The following OLFM2 variants were observed in gnomAD, a reference collection of about 807,000 sequenced individuals.
OLFM2 encodes noelin-2.
In OLFM2, 20 loss-of-function variants were observed where a neutral mutation model predicts 43.9. That is an observed-to-expected ratio of 0.46 (90% CI 0.32 to 0.66). The LOEUF is 0.66. OLFM2 is among the 30% of genes least tolerant of loss of function. OLFM2 has a pLI of 0.04. For synonymous variants in OLFM2, 268 were observed against 278.6 expected (o/e 0.96, Z 0.38); for missense variants, 416 against 643.6 (o/e 0.65, Z 3.83).
At chr19:9,900,227 T>C (rs1490361909) in intron 1 of OLFM2, among the ~76,000 whole-genome samples, 1 of 151,584 alleles carries the variant, frequency 6.6e-6, no homozygotes, top group Non-Finnish European at 1.5e-5. Flanking sequence ...TGAAGAGAGG[T>C]GTCAGGGAAG....
At position 9,854,928 on chromosome 19, in the gene OLFM2, G is replaced by C; in HGVS notation, c.688-65C>G. On this transcript the variant is annotated intron_variant, in intron 5 of 5. Coordinates refer to ENST00000264833, the MANE Select transcript of OLFM2 (RefSeq NM_058164.4). This position sits in a 1 kb window ranked among gnomAD's most constrained non-coding sequence, Gnocchi z 9.5. ...CAACGACCCAAGGGTCCCAGCACCA[G>C]CTACAGCCATTAGAGTTCAACAGTC... 1 of 1,282,776 alleles carries C rather than the reference G, an allele frequency of 7.8e-7. No homozygotes were observed. Among genetic ancestry groups the C allele is most frequent in the Non-Finnish European group, 1.1e-6 (1 of 939,126 alleles). The allele number at this position is 1,282,776 out of a possible 1,614,324, so 79.5% of individuals were successfully genotyped here.
chr19:9,908,130 T>A (rs1568383012), intron 1 of OLFM2, among the ~76,000 whole-genome samples: 2 of 151,992 alleles, frequency 1.3e-5, no homozygotes, highest in Non-Finnish European at 2.9e-5. Flanking sequence ...TTCCGCTCGC[T>A]CACTATGCTC....
chr19:9,904,302 T>G (rs907316472), intron 1 of OLFM2, among the ~76,000 whole-genome samples: 5 of 151,686 alleles, frequency 3.3e-5, no homozygotes, highest in Non-Finnish European at 7.4e-5. Flanking sequence ...GCGATTCTCC[T>G]GCCTCAGCCT....
At position 9,865,485 on chromosome 19, in the gene OLFM2, C is replaced by CTTTTTTTTTTTTT. The variant is rs71188847; in HGVS notation, c.64-4704_64-4692dup. On this transcript the variant is annotated intron_variant, in intron 1 of 5. Coordinates refer to ENST00000264833, the MANE Select transcript of OLFM2 (RefSeq NM_058164.4). ...AGTCACTGTTACCTCTCTGTTTTTTCTTTTTTTTTTTTTTTTTTTTTTTTG... is the reference window on the plus strand; with the variant it reads ...AGTCACTGTTACCTCTCTGTTTTTTCTTTTTTTTTTTTTTTTTTTTTTTTTTTTTTTTTTTTTG... 4.9e-4 allele frequency among the ~76,000 whole-genome samples: 36 copies of CTTTTTTTTTTTTT among 73,638 alleles called. 1 individual carries two copies. The highest frequency in any genetic ancestry group is 8.8e-4 in the East Asian group (2 of 2,260). 48.3% of individuals were successfully genotyped at this position (73,638 alleles called of 152,430 possible). A position where few individuals can be genotyped will look rare whatever the true frequency, so the allele number is the denominator to read the frequency against.
intron 1 of OLFM2, among the ~76,000 whole-genome samples, chr19:9,931,051 G>A (rs1053010609): frequency 7.9e-5 from 12 of 152,062 alleles, no homozygotes; most frequent in African/African-American, 2.2e-4. Context: ...ACCACTAGAT[G>A]TCGCTCAAGC....
chr19:9,895,717 C>T (rs904415079), intron 1 of OLFM2, among the ~76,000 whole-genome samples: 4 of 151,960 alleles, frequency 2.6e-5, no homozygotes, highest in African/African-American at 9.7e-5. Flanking sequence ...CTCACTGCAA[C>T]CTCCACCTCC....
chr19:9,901,293 G>A (rs955801452), intron 1 of OLFM2, among the ~76,000 whole-genome samples: 1 of 152,040 alleles, frequency 6.6e-6, no homozygotes, highest in Admixed American at 6.6e-5. Context: ...GGATACAGTG[G>A]CCTGTGCCTG....
chr19:9,865,150 C>CCTTCTT (rs1272275385), intron 1 of OLFM2, among the ~76,000 whole-genome samples: 2 of 145,080 alleles, frequency 1.4e-5, no homozygotes, highest in Admixed American at 1.5e-4. Context: ...CTCCCACCTC[C>CCTTCTT]CTTCTTCTTC....
chr19:9,895,335 AT>A (rs897316783), intron 1 of OLFM2, among the ~76,000 whole-genome samples: 7 of 151,396 alleles, frequency 4.6e-5, no homozygotes, highest in African/African-American at 1.2e-4. Flanking sequence ...CAAAAAAAAA[AT>A]TTTTTTTTAA....
chr19:9,931,686 G>A (rs1179614730), intron 1 of OLFM2, among the ~76,000 whole-genome samples: 1 of 149,118 alleles, frequency 6.7e-6, no homozygotes, highest in Non-Finnish European at 1.5e-5. Flanking sequence ...TCCAGCATGG[G>A]TGACAGAACA....
chr19:9,929,868 C>T (rs745539358), intron 1 of OLFM2, among the ~76,000 whole-genome samples: 29 of 151,992 alleles, frequency 1.9e-4, no homozygotes, highest in Admixed American at 9.2e-4. Context: ...GGAGAACCCT[C>T]GTCTCTACTA....
intron 1 of OLFM2, among the ~76,000 whole-genome samples, chr19:9,874,520 G>A (rs1012804714): frequency 2.6e-5 from 4 of 151,812 alleles, no homozygotes; most frequent in Non-Finnish European, 5.9e-5. Flanking sequence ...TCCCTCTGTC[G>A]CCCAGGCTGG....
rs112158417 is a variant in OLFM2, at chr19:9,887,303, C to T, written c.64-26509G>A. Among the ~76,000 whole-genome samples, 6 of 151,950 alleles carry T rather than the reference C, an allele frequency of 3.9e-5. 1 individual carries two copies. The South Asian group carries it at 6.2e-4, about 16-fold the overall frequency. The stretch of plus-strand genomic sequence containing the variant: ...AAGCGATTCTCCTGCCTCAGCCTCC[C>T]GAGTAGCTGGGATTACAGGCACACA... On this transcript the variant is annotated intron_variant, in intron 1 of 5. Coordinates refer to ENST00000264833, the MANE Select transcript of OLFM2 (RefSeq NM_058164.4).
chr19:9,885,834 A>G (rs1428367146), intron 1 of OLFM2, among the ~76,000 whole-genome samples: 2 of 152,106 alleles, frequency 1.3e-5, no homozygotes, highest in Non-Finnish European at 2.9e-5. Flanking sequence ...ACGGTGGCTC[A>G]TGCCTGTAAT....
At chr19:9,913,056 T>C (rs2046841383) in intron 1 of OLFM2, among the ~76,000 whole-genome samples, 1 of 151,290 alleles carries the variant, frequency 6.6e-6, no homozygotes, top group Non-Finnish European at 1.5e-5. Context: ...AACCCCTCGA[T>C]CCTCCCCTCT....
chr19:9,866,742 G>A (rs1008380975), intron 1 of OLFM2, among the ~76,000 whole-genome samples: 23 of 151,940 alleles, frequency 1.5e-4, no homozygotes, highest in Non-Finnish European at 3.1e-4. Context: ...TGATCCACCC[G>A]CCTTGGCCTC....
chr19:9,898,340 G>A (rs2046704615), intron 1 of OLFM2, among the ~76,000 whole-genome samples: 1 of 151,388 alleles, frequency 6.6e-6, no homozygotes, highest in South Asian at 2.1e-4. Flanking sequence ...TGGCCAACAT[G>A]ATGAAACCTC....
chr19:9,865,955 G>A (rs775767745), intron 1 of OLFM2, among the ~76,000 whole-genome samples: 4 of 152,048 alleles, frequency 2.6e-5, no homozygotes, highest in South Asian at 2.1e-4. Flanking sequence ...CAAAGCCGCC[G>A]GTTCAACGTA....
intron 1 of OLFM2, among the ~76,000 whole-genome samples, chr19:9,891,759 G>T (rs76354381): frequency 6.6e-6 from 1 of 152,140 alleles, no homozygotes; most frequent in African/African-American, 2.4e-5. Context: ...GAGACTTGGG[G>T]GCTGTTTTGT....
Sources: gnomAD v4.1 joint callset for allele counts (sites outside exome capture counted in the v4.1 genomes callset) on GRCh38, gnomAD v4.1.1 for gene constraint, Gnocchi (gnomAD v3.1) non-coding constraint, MANE v1.5 for transcripts, NCBI Gene and HGNC (gene_info 2026-07-23, HGNC 2026-07-21) for gene names.